INKA2: variants seen among roughly 807,000 people sequenced by gnomAD.
INKA2 encodes the protein inka box actin regulator 2, also known as PAK4-inhibitor INKA2.
Under a neutral mutation model 9.8 loss-of-function variants are expected in INKA2, and 3 were observed. The observed-to-expected ratio is 0.31, with a 90% CI of 0.14 to 0.79. INKA2 has a LOEUF of 0.79. Ranked by LOEUF, INKA2 falls within the 30% of genes least tolerant of loss-of-function variation. The pLI, the probability that INKA2 is intolerant of heterozygous loss-of-function variation, is 0.62. For synonymous variants in INKA2, 147 were observed against 143.3 expected (o/e 1.03, Z -0.18); for missense variants, 392 against 384.4 (o/e 1.02, Z -0.17).
intron 1 of INKA2, among the ~76,000 whole-genome samples, chr1:111,731,876 G>A (rs1662912561): frequency 6.6e-6 from 1 of 152,188 alleles, no homozygotes; most frequent in Non-Finnish European, 1.5e-5. Flanking sequence ...TCTAATCAAG[G>A]AGAAGCACAA....
In INKA2 at chr1:111,739,372, G is replaced by C; in HGVS notation, c.-130C>G. On this transcript the variant is annotated 5_prime_UTR_variant, in exon 1 of 2. Transcript: ENST00000357260. ...GCTCGCAGCGCGGAGCTGAGCCTGC[G>C]CTCCGAGCCCGGGACTCAGAGTCGC... 5 of 1,521,902 alleles carry C rather than the reference G, an allele frequency of 3.3e-6. No homozygotes were observed. In the South Asian group the frequency reaches 3.7e-5, roughly 11 times the overall value. The allele number at this position is 1,521,902 out of a possible 1,614,324, so 94.3% of individuals were successfully genotyped here. A position where few individuals can be genotyped will look rare whatever the true frequency, so the allele number is the denominator to read the frequency against.
Position 111,727,621 on chromosome 1 carries a change from C to T in INKA2, c.241G>A (p.Gly81Ser). Reference sequence around the variant, plus strand: ...GTGGGCCTGGCAGGACCTCTGCCACCCTCCCAACAAGGGTGCTCGCACTGG... The same window carrying T: ...GTGGGCCTGGCAGGACCTCTGCCACTCTCCCAACAAGGGTGCTCGCACTGG... ...RTQCEHPCWE[G>S]GRGPARPTVC... Residue 81 changes from glycine (G) to serine (S), a missense_variant, in exon 2 of 2, where the codon GGT becomes AGT. Physicochemically the swap from Gly to Ser is moderately conservative, Grantham distance 56 (BLOSUM62 0). Transcript: ENST00000357260. 6.2e-7 allele frequency: 1 copy of T among 1,608,520 alleles called. No individual in the cohort carries two copies. Among genetic ancestry groups the T allele is most frequent in the Non-Finnish European group, 8.5e-7 (1 of 1,176,888 alleles).
upstream of INKA2, among the ~76,000 whole-genome samples, chr1:111,742,273 A>G (rs1233972283): frequency 6.6e-6 from 1 of 152,118 alleles, no homozygotes; most frequent in Non-Finnish European, 1.5e-5. Context: ...TGTGAGTCTA[A>G]TACTTTATAC....
intron 1 of INKA2, among the ~76,000 whole-genome samples, chr1:111,748,054 G>A (rs964293719): frequency 2.6e-5 from 4 of 152,240 alleles, no homozygotes; most frequent in Admixed American, 6.5e-5. Flanking sequence ...TGACTTGGAA[G>A]GGCTTGGGCA....
intron 1 of INKA2, 99 bp downstream of exon 1, chr1:111,739,087 G>T: frequency 1.7e-6 from 2 of 1,193,810 alleles, no homozygotes; most frequent in Non-Finnish European, 2.5e-6. Flanking sequence ...GCCCTCCTCC[G>T]CCCTGCTTAC....
At chr1:111,740,713 C>G (rs926861337), upstream of INKA2, among the ~76,000 whole-genome samples, 38 of 152,130 alleles carry the variant, frequency 2.5e-4, no homozygotes, top group African/African-American at 8.4e-4. Context: ...TGGCGCACGC[C>G]TGTAATCCCA....
In INKA2 at chr1:111,726,030, C is replaced by G. The variant is rs1285319997; in HGVS notation, c.*938G>C. The G allele has an allele frequency of 2.5e-6, 1 of 398,602 alleles. No homozygotes were observed. Among genetic ancestry groups the G allele is most frequent in the African/African-American group, 2.1e-5 (1 of 48,648 alleles). 24.7% of individuals were successfully genotyped at this position (398,602 alleles called of 1,614,324 possible). On this transcript the variant is annotated 3_prime_UTR_variant, in exon 2 of 2. Transcript: ENST00000357260. ...GGGATTACAGGCGTGAGCCACAGCG[C>G]CCAGCCTGCGGGGTGCTAAGAACTG...
rs1662780006 is a variant in INKA2, at chr1:111,726,775, C to T, written c.*193G>A. 3 of 636,650 alleles carry T rather than the reference C, an allele frequency of 4.7e-6. No homozygotes were observed. The highest frequency in any genetic ancestry group is 5.6e-5 in the Admixed American group (2 of 35,550). The allele number at this position is 636,650 out of a possible 1,614,324, so 39.4% of individuals were successfully genotyped here. A position where few individuals can be genotyped will look rare whatever the true frequency, so the allele number is the denominator to read the frequency against. On this transcript the variant is annotated 3_prime_UTR_variant, in exon 2 of 2. Transcript: ENST00000357260. ...TACTCTTACCTCCTCCACCAGCTAG[C>T]CCCCAAGACAGCCTCTCCCAACCAC...
At chr1:111,742,509 G>A (rs533803497), upstream of INKA2, among the ~76,000 whole-genome samples, 1 of 152,298 alleles carries the variant, frequency 6.6e-6, no homozygotes, top group South Asian at 2.1e-4. Context: ...CGCCTGAACC[G>A]GGAGGCGGAG....
chr1:111,730,859 C>T (rs1662890108), intron 1 of INKA2, among the ~76,000 whole-genome samples: 1 of 152,170 alleles, frequency 6.6e-6, no homozygotes, highest in African/African-American at 2.4e-5. Context: ...CCATAAAACA[C>T]ATATTGAATA....
At chr1:111,742,080 C>G (rs1221013277), upstream of INKA2, among the ~76,000 whole-genome samples, 1 of 152,178 alleles carries the variant, frequency 6.6e-6, no homozygotes, top group African/African-American at 2.4e-5. Context: ...ACTTCATGGA[C>G]TGGAATCCAC....
chr1:111,746,757 T>C lies in INKA2; in HGVS notation n.124+8944A>G, dbSNP rs1571601701. 2.6e-5 allele frequency: 4 copies of C among 152,310 alleles called. 1 individual carries two copies. In the South Asian group the frequency reaches 8.3e-4, roughly 32 times the overall value. 9.4% of individuals were successfully genotyped at this position (152,310 alleles called of 1,614,324 possible). ...TTCCAAAACCTTGGGAGGTAGGTGC[T>C]GCTATTCCTCCATTCTGCAGAGGAG... is the stretch of plus-strand genomic sequence containing the variant. On this transcript the variant is annotated intron_variant and non_coding_transcript_variant, in intron 1 of 1. Transcript: ENST00000444059.
At position 111,727,559 on chromosome 1, in the gene INKA2, G is replaced by T. The variant is rs1265465982; in HGVS notation, c.303C>A (p.Ser101Arg). ...TCCTATGGGATGGAAACTTGGTGCT[G>T]CTGCCAAGAGAAGGTTGACTGGAGG... ...CSPSSQPSLGSSTKFPSHRSV... is the reference protein window; with the variant it reads ...CSPSSQPSLGRSTKFPSHRSV... The change falls in exon 2 of 2, where the codon AGC becomes AGA. Residue 101 changes from serine (S) to arginine (R), a missense_variant. By Grantham distance (110) the Ser-to-Arg change is moderately radical. Transcript: ENST00000357260. The T allele has an allele frequency of 6.2e-7, 1 of 1,613,286 alleles. No homozygotes were observed. Among genetic ancestry groups the T allele is most frequent in the Non-Finnish European group, 8.5e-7 (1 of 1,179,572 alleles).
rs1215238158 is a variant in INKA2 at position 111,727,646 on chromosome 1, G to T, written c.216C>A (p.Thr72=). The stretch of plus-strand genomic sequence containing the variant: ...CCTCCCAACAAGGGTGCTCGCACTG[G>T]GTCCTGGGACCTTCAGGGCTGCCTG... The part of the protein sequence containing the change: ...PVPGSPEGPR[T]QCEHPCWEGG... Residue 72 remains threonine, a synonymous_variant, in exon 2 of 2, where the codon ACC becomes ACA. Transcript: ENST00000357260. The T allele has an allele frequency of 1.2e-6, 2 of 1,608,826 alleles. No homozygotes were observed. The highest frequency in any genetic ancestry group is 1.7e-6 in the Non-Finnish European group (2 of 1,177,130).
chr1:111,754,036 C>G (rs1663467139), intron 1 of INKA2: 1 of 152,146 alleles, frequency 6.6e-6, no homozygotes, highest in Non-Finnish European at 1.5e-5. Context: ...CCAGAGAAAC[C>G]ATTCAGGAGG....
chr1:111,751,548 G>A (rs1397487305), intron 1 of INKA2, among the ~76,000 whole-genome samples: 2 of 152,190 alleles, frequency 1.3e-5, no homozygotes, highest in Non-Finnish European at 1.5e-5. Flanking sequence ...ACTTTGAGCA[G>A]ATTACTAATC....
At chr1:111,755,491 G>T (rs538998934) in intron 1 of INKA2, 23 of 585,772 alleles carry the variant, frequency 3.9e-5, no homozygotes, top group East Asian at 3.7e-4. Context: ...TTGGGGAAGA[G>T]GTGGCCGCGA....
Position 111,725,962 on chromosome 1 carries a change from C to T in INKA2, c.*1006G>A, listed in dbSNP as rs1662760215. The T allele has an allele frequency of 2.5e-6, 1 of 393,806 alleles. No homozygotes were observed. The highest frequency in any genetic ancestry group is 4.5e-6 in the Non-Finnish European group (1 of 223,238). The allele number at this position is 393,806 out of a possible 1,614,324, so 24.4% of individuals were successfully genotyped here. On this transcript the variant is annotated 3_prime_UTR_variant, in exon 2 of 2. Coordinates refer to ENST00000357260, the MANE Select transcript of INKA2 (RefSeq NM_019099.5). ...ATGTTGGCCAGGCTGGTCATGAACT[C>T]CTGACCCCAGGTAATCCGCCTGCCT...
At chr1:111,740,155 G>A (rs3754029), upstream of INKA2, 6,123 of 152,430 alleles carry the variant, frequency 0.04, 153 homozygotes, top group East Asian at 0.072. Context: ...GGGGTAAGGG[G>A]GTCGGGCTGC....
Sources: allele counts gnomAD v4.1 joint callset (sites outside exome capture counted in the v4.1 genomes callset), GRCh38; gene constraint gnomAD v4.1.1; transcripts MANE v1.5; gene names NCBI Gene and HGNC (gene_info 2026-07-23, HGNC 2026-07-21).